Variants in NRK observed in about 807,000 individuals in gnomAD.
NRK encodes nik-related protein kinase.
NRK carries 67 observed loss-of-function variants against 125.2 expected under a neutral mutation model. That is an observed-to-expected ratio of 0.54 (90% CI 0.44 to 0.66). The LOEUF is 0.66. Among genes scored for constraint, NRK ranks in the 30% least tolerant of loss-of-function variants. NRK has a pLI of 0.00. For missense variants in NRK, 1,224 were observed against 1,192.9 expected (o/e 1.03, Z -0.38); for synonymous variants, 458 against 429.0 (o/e 1.07, Z -0.84).
intron 19 of NRK, among the ~76,000 whole-genome samples, chrX:105,926,451 A>G (rs1423733270): frequency 9.0e-6 from 1 of 111,562 alleles, no homozygotes; most frequent in Non-Finnish European, 1.9e-5. Context: ...CTCATTCTTC[A>G]GGTTGTTTCT....
Position 105,924,856 on chromosome X carries a change from A to G in NRK, c.3137A>G (p.His1046Arg). The G allele has an allele frequency of 8.3e-7, 1 of 1,211,304 alleles. No homozygotes were observed. Among genetic ancestry groups the G allele is most frequent in the Non-Finnish European group, 1.1e-6 (1 of 895,249 alleles). Residue 1046 changes from histidine (H) to arginine (R), a missense_variant, in exon 19 of 29, where the codon CAT (histidine) becomes CGT (arginine). Coordinates refer to ENST00000243300, the MANE Select transcript of NRK (RefSeq NM_198465.4). ...DNAAIGDQEEHAANIGSERRG... is the reference protein window; with the variant it reads ...DNAAIGDQEERAANIGSERRG... ...GCAGCCATTGGAGATCAGGAAGAAC[A>G]TGCAGCCAATATAGGCAGTGAAAGA... is the stretch of plus-strand genomic sequence containing the variant.
At chrX:105,948,777 C>CT (rs77813783) in intron 26 of NRK, 15,767 of 361,128 alleles carry the variant, frequency 0.044, no homozygotes, top group East Asian at 0.05. Flanking sequence ...TAGTTTCTGA[C>CT]TTTTTTTTTT....
intron 9 of NRK, among the ~76,000 whole-genome samples, chrX:105,902,406 G>T (rs1240510159): frequency 9.0e-6 from 1 of 111,570 alleles, no homozygotes; most frequent in African/African-American, 3.3e-5. Flanking sequence ...ATTTTGTATG[G>T]AAATAATTGT....
At chrX:105,890,009 G>A (rs911356534) in intron 5 of NRK, among the ~76,000 whole-genome samples, 1 of 111,713 alleles carries the variant, frequency 9.0e-6, no homozygotes, top group African/African-American at 3.3e-5. Flanking sequence ...TCAGAAAACG[G>A]GTTTTTCTTT....
At chrX:105,894,024 A>G (rs970730934) in intron 6 of NRK, 82 bp downstream of exon 6, 3 of 498,845 alleles carry the variant, frequency 6.0e-6, no homozygotes, top group Non-Finnish European at 9.7e-6. Context: ...ACCTGCTCAC[A>G]TCAGATAGTT....
chrX:105,922,080 A>G lies in NRK; in HGVS notation c.2610+19A>G, dbSNP rs1349015625. 1.3e-6 allele frequency: 1 copy of G among 764,353 alleles called. No homozygotes were observed. The highest frequency in any genetic ancestry group is 2.1e-5 in the African/African-American group (1 of 48,655). The allele number at this position is 764,353 out of a possible 1,213,427, so 63.0% of individuals were successfully genotyped here. A position where few individuals can be genotyped will look rare whatever the true frequency, so the allele number is the denominator to read the frequency against. ...CATCCATGTAAGTTTCCATCTTAAC[A>G]CATTAATGTCTATTATTTTTTATTT... On this transcript the variant is annotated intron_variant, in intron 17 of 28. Transcript: ENST00000243300.
At chrX:105,889,244 C>T (rs1422799466) in intron 5 of NRK, among the ~76,000 whole-genome samples, 1 of 112,622 alleles carries the variant, frequency 8.9e-6, no homozygotes, top group Non-Finnish European at 1.9e-5. Flanking sequence ...CTTAAAGTTC[C>T]AAAATGATCT....
At chrX:105,918,996 T>A (rs1286932449) in intron 16 of NRK, among the ~76,000 whole-genome samples, 5 of 88,617 alleles carry the variant, frequency 5.6e-5, no homozygotes, top group African/African-American at 1.0e-4. Context: ...AAGAAAATGG[T>A]TTCCTGAAAA....
intron 13 of NRK, among the ~76,000 whole-genome samples, chrX:105,910,262 G>A (rs1316469349): frequency 2.7e-5 from 3 of 111,905 alleles, no homozygotes; most frequent in Non-Finnish European, 5.6e-5. Flanking sequence ...ATTTGCTTTT[G>A]TTACTCTAAC....
intron 2 of NRK, among the ~76,000 whole-genome samples, chrX:105,877,671 T>A (rs2039832929): frequency 9.0e-6 from 1 of 111,315 alleles, no homozygotes; most frequent in Admixed American, 9.6e-5. Flanking sequence ...TATGGAGTCT[T>A]GTAGAATGAT....
intron 4 of NRK, among the ~76,000 whole-genome samples, chrX:105,886,765 T>TA (rs1002266111): frequency 1.2e-4 from 13 of 108,070 alleles, no homozygotes; most frequent in African/African-American, 3.7e-4. Context: ...TCGAAAAAAA[T>TA]AAAAATAAAT....
Position 105,923,284 on chromosome X carries a change from C to A in NRK, c.2777C>A (p.Ala926Asp), listed in dbSNP as rs2040477240. ...GGTGATTATGTTGAACTCTATGATG[C>A]CAGTGCTGATACTGATGGTGATGAT... ...EDGDYVELYD[A>D]SADTDGDDDD... Residue 926 changes from alanine (A) to aspartate (D), a missense_variant, in exon 18 of 29, where the codon GCC (alanine) becomes GAC (aspartate). Coordinates refer to ENST00000243300, the MANE Select transcript of NRK (RefSeq NM_198465.4). 1 of 1,198,811 alleles carries A rather than the reference C, an allele frequency of 8.3e-7. No individual in the cohort carries two copies. Among genetic ancestry groups the A allele is most frequent in the Non-Finnish European group, 1.1e-6 (1 of 884,984 alleles).
chrX:105,937,734 T>A (rs1261243493), intron 22 of NRK, among the ~76,000 whole-genome samples, 152 bp downstream of exon 22: 2 of 112,114 alleles, frequency 1.8e-5, no homozygotes, highest in Non-Finnish European at 3.8e-5. Flanking sequence ...TTATATTATC[T>A]TATCTATTTA....
intron 2 of NRK, among the ~76,000 whole-genome samples, chrX:105,844,131 T>C (rs1428006680): frequency 9.2e-6 from 1 of 109,219 alleles, no homozygotes. Flanking sequence ...AGTCACCATA[T>C]GTATATGCTT....
At chrX:105,920,229 C>G (rs2040422394) in intron 16 of NRK, among the ~76,000 whole-genome samples, 1 of 104,989 alleles carries the variant, frequency 9.5e-6, no homozygotes, top group Non-Finnish European at 1.9e-5. Context: ...TTTCTGAGGG[C>G]TCTGTTCTGT....
chrX:105,955,236 CA>C (rs758294143), intron 28 of NRK, among the ~76,000 whole-genome samples: 96 of 111,213 alleles, frequency 8.6e-4, no homozygotes, highest in African/African-American at 3.0e-3. Context: ...AGAACTTCAG[CA>C]AATGAAGGCC....
At chrX:105,883,759 C>G (rs889517818) in intron 4 of NRK, among the ~76,000 whole-genome samples, 2 of 112,734 alleles carry the variant, frequency 1.8e-5, no homozygotes, top group African/African-American at 6.4e-5. Context: ...TTCTTAACCT[C>G]CTACCATCCT....
intron 21 of NRK, among the ~76,000 whole-genome samples, chrX:105,936,437 A>G (rs997823903): frequency 7.1e-5 from 8 of 111,964 alleles, no homozygotes; most frequent in Non-Finnish European, 5.6e-5. Context: ...AATTGGCTAT[A>G]CTTCTTCCTC....
chrX:105,931,612 C>T (rs1411357548), intron 19 of NRK, among the ~76,000 whole-genome samples: 1 of 109,847 alleles, frequency 9.1e-6, no homozygotes, highest in Non-Finnish European at 1.9e-5. Context: ...AAGCAGAGTA[C>T]CTCACTTCCC....
Sources: gnomAD v4.1 joint callset for allele counts (sites outside exome capture counted in the v4.1 genomes callset) on GRCh38, gnomAD v4.1.1 for gene constraint, MANE v1.5 for transcripts, NCBI Gene and HGNC (gene_info 2026-07-23, HGNC 2026-07-21) for gene names.